MBD5: variants seen among roughly 807,000 people sequenced by gnomAD.
MBD5 encodes methyl-CpG binding domain protein 5, also known as methyl-CpG-binding domain protein 5.
In MBD5, 13 loss-of-function variants were observed where a neutral mutation model predicts 117.3. The ratio of observed to expected loss-of-function variants is 0.11; its 90% CI spans 0.07 to 0.18. The LOEUF (loss-of-function observed/expected upper bound fraction) is 0.18. MBD5 is among the 10% of genes least tolerant of loss of function. MBD5 has a pLI of 1.00. For synonymous variants in MBD5, 727 were observed against 766.4 expected (o/e 0.95, Z 0.85); for missense variants, 1,879 against 2,093.8 (o/e 0.90, Z 2.00).
At chr2:148,141,903 G>A (rs1051061958) in intron 1 of MBD5, among the ~76,000 whole-genome samples, 3 of 152,026 alleles carry the variant, frequency 2.0e-5, no homozygotes, top group African/African-American at 7.3e-5. Flanking sequence ...TTGAGCCTAG[G>A]AATTCAAGGC....
chr2:148,104,050 CT>C (rs1463416181), intron 1 of MBD5, among the ~76,000 whole-genome samples: 1 of 152,112 alleles, frequency 6.6e-6, no homozygotes, highest in African/African-American at 2.4e-5. Context: ...CTAATTTATT[CT>C]TCAATAAACA....
chr2:148,097,352 A>G (rs1312178581), intron 1 of MBD5, among the ~76,000 whole-genome samples: 2 of 152,162 alleles, frequency 1.3e-5, no homozygotes, highest in East Asian at 1.9e-4. Flanking sequence ...CTATGTTTCA[A>G]GCACTTGCTA....
chr2:148,445,208 A>G (rs1706451095), intron 4 of MBD5, among the ~76,000 whole-genome samples: 1 of 151,200 alleles, frequency 6.6e-6, no homozygotes, highest in South Asian at 2.1e-4. Flanking sequence ...ACATATGTAT[A>G]CATGTGCCAT....
chr2:148,426,338 C>A (rs991705403), intron 4 of MBD5, among the ~76,000 whole-genome samples: 12 of 152,016 alleles, frequency 7.9e-5, no homozygotes, highest in Non-Finnish European at 1.3e-4. Flanking sequence ...GAGCCCGCAT[C>A]GCAAAGTCAA....
In MBD5 at chr2:148,502,442, C is replaced by A; in HGVS notation, c.4969C>A (p.Pro1657Thr). 6.2e-7 allele frequency: 1 copy of A among 1,614,076 alleles called. No individual in the cohort carries two copies. The highest frequency in any genetic ancestry group is 8.5e-7 in the Non-Finnish European group (1 of 1,179,966). The change falls in exon 12 of 14, where the codon CCC becomes ACC. Residue 1657 changes from proline (P) to threonine (T), a missense_variant. By Grantham distance (38) the Pro-to-Thr change is conservative. This residue lies in a region of MBD5 where 135 missense variants were observed against 148.0 expected (regional missense o/e 0.91). Coordinates refer to ENST00000642680, the MANE Select transcript of MBD5 (RefSeq NM_001378120.1). ...QQSPEEGKVE[P>T]EKLKTLTEGL... ...TCTTCATACCTTCACTCAGGTGGAG[C>A]CCGAGAAGTTGAAGACACTAACAGA... is the stretch of plus-strand genomic sequence containing the variant.
intron 4 of MBD5, among the ~76,000 whole-genome samples, chr2:148,369,039 A>G (rs1039447127): frequency 6.6e-6 from 1 of 152,156 alleles, no homozygotes; most frequent in Non-Finnish European, 1.5e-5. Flanking sequence ...ATGGAGAAGG[A>G]CACAGCATCG....
At chr2:148,166,321 A>G (rs996640510) in intron 1 of MBD5, among the ~76,000 whole-genome samples, 3 of 152,038 alleles carry the variant, frequency 2.0e-5, no homozygotes, top group South Asian at 2.1e-4. Flanking sequence ...ACTCTTCATT[A>G]TTTGTCAGAT....
At chr2:148,306,057 T>C (rs183493887) in intron 3 of MBD5, among the ~76,000 whole-genome samples, 1 of 152,328 alleles carries the variant, frequency 6.6e-6, no homozygotes, top group Non-Finnish European at 1.5e-5. Context: ...ATTTGCTTTG[T>C]TTGAACTTTT....
intron 1 of MBD5, among the ~76,000 whole-genome samples, chr2:148,137,834 G>A (rs1352322933): frequency 1.3e-5 from 2 of 152,162 alleles, no homozygotes; most frequent in East Asian, 3.8e-4. Flanking sequence ...ATTGCCTACA[G>A]TATTCAGCAC....
intron 1 of MBD5, among the ~76,000 whole-genome samples, chr2:148,064,984 T>C (rs931800527): frequency 6.6e-6 from 1 of 152,206 alleles, no homozygotes; most frequent in African/African-American, 2.4e-5. Context: ...GCTTGTGTCC[T>C]ACTTCTTTCA....
chr2:148,130,111 T>C (rs1286661397), intron 1 of MBD5, among the ~76,000 whole-genome samples: 1 of 152,200 alleles, frequency 6.6e-6, no homozygotes, highest in African/African-American at 2.4e-5. Flanking sequence ...AAAGTGTCTT[T>C]GAACATTTAG....
At chr2:148,215,593 C>A (rs75411145) in intron 2 of MBD5, among the ~76,000 whole-genome samples, 17,332 of 151,968 alleles carry the variant, frequency 0.11, 1,350 homozygotes, top group Non-Finnish European at 0.18. Context: ...ACCATCATAC[C>A]TCACTGCAGC....
intron 2 of MBD5, among the ~76,000 whole-genome samples, chr2:148,192,664 CA>C (rs1452190550): frequency 3.0e-5 from 4 of 134,614 alleles, no homozygotes; most frequent in Non-Finnish European, 6.3e-5. Flanking sequence ...TCTGAATGGG[CA>C]AAAACTGGAA....
intron 1 of MBD5, among the ~76,000 whole-genome samples, chr2:148,122,879 T>A (rs1188523179): frequency 6.6e-6 from 1 of 152,208 alleles, no homozygotes; most frequent in Non-Finnish European, 1.5e-5. Flanking sequence ...AAGCTACATT[T>A]TATTTTACTT....
At chr2:148,224,026 A>G (rs554915710) in intron 2 of MBD5, among the ~76,000 whole-genome samples, 2 of 152,308 alleles carry the variant, frequency 1.3e-5, no homozygotes, top group South Asian at 4.1e-4. Flanking sequence ...GTATTTGTAC[A>G]GTTTACAAAA....
At chr2:148,395,768 T>A (rs1704695370) in intron 4 of MBD5, among the ~76,000 whole-genome samples, 1 of 152,120 alleles carries the variant, frequency 6.6e-6, no homozygotes. Context: ...TTAACCAACG[T>A]GTATGCCTAA....
intron 1 of MBD5, among the ~76,000 whole-genome samples, chr2:148,132,353 C>CAT (rs778979879): frequency 0.41 from 58,326 of 142,268 alleles, 11,875 homozygotes; most frequent in South Asian, 0.49. Flanking sequence ...TATATATACA[C>CAT]ATATATATAT....
At chr2:148,494,859 A>T (rs1162618266) in intron 11 of MBD5, among the ~76,000 whole-genome samples, 2 of 152,138 alleles carry the variant, frequency 1.3e-5, no homozygotes, top group Admixed American at 6.5e-5. Context: ...GCTACTGCGG[A>T]GGCTGAGGCA....
chr2:148,210,331 GA>G (rs1275203682), intron 2 of MBD5, among the ~76,000 whole-genome samples: 1 of 151,342 alleles, frequency 6.6e-6, no homozygotes, highest in Non-Finnish European at 1.5e-5. Flanking sequence ...GTACCATTTA[GA>G]AAAAAACTGG....
Sources: allele counts gnomAD v4.1 joint callset (sites outside exome capture counted in the v4.1 genomes callset), GRCh38; gene constraint gnomAD v4.1.1; regional missense constraint gnomAD v4.1.1; transcripts MANE v1.5; gene names NCBI Gene and HGNC (gene_info 2026-07-23, HGNC 2026-07-21).